Variants in HNF4A observed in about 807,000 individuals in gnomAD.
HNF4A encodes hepatocyte nuclear factor 4 alpha.
Under a neutral mutation model 52.4 loss-of-function variants are expected in HNF4A, and 15 were observed. The ratio of observed to expected loss-of-function variants is 0.29; its 90% CI spans 0.19 to 0.44. The LOEUF (loss-of-function observed/expected upper bound fraction) is 0.44, where lower values mean the gene tolerates loss of function less well. Ranked by LOEUF, HNF4A falls within the 20% of genes least tolerant of loss-of-function variation. The pLI is 1.00. For missense variants in HNF4A, 479 were observed against 647.2 expected (o/e 0.74, Z 2.82); for synonymous variants, 280 against 264.4 (o/e 1.06, Z -0.57).
intron 1 of HNF4A, among the ~76,000 whole-genome samples, chr20:44,357,841 TA>T (rs911579388): frequency 1.2e-4 from 17 of 140,836 alleles, no homozygotes; most frequent in Middle Eastern, 3.6e-3. Context: ...GGTTCAAGAT[TA>T]AAAAAAAAAC....
chr20:44,355,771 A>G lies in HNF4A; in HGVS notation c.-34A>G, dbSNP rs1411432527. 6.2e-7 allele frequency: 1 copy of G among 1,610,748 alleles called. No individual in the cohort carries two copies. The highest frequency in any genetic ancestry group is 2.2e-5 in the East Asian group (1 of 44,856). ...GCTGTGAGCGGGCCCCTGCTCCTCC[A>G]TGCCCCCAGCTCTCCGGCTGGGTGG... On this transcript the variant is annotated 5_prime_UTR_variant, in exon 1 of 10. The change abolishes an upstream ATG in the 5' untranslated region. Transcript: ENST00000316673.
At chr20:44,419,455 G>A (rs1343567401) in intron 6 of HNF4A, among the ~76,000 whole-genome samples, 1 of 152,126 alleles carries the variant, frequency 6.6e-6, no homozygotes. Flanking sequence ...GAATGTCATC[G>A]ATCTTGTGAG....
intron 1 of HNF4A, among the ~76,000 whole-genome samples, chr20:44,377,326 A>G (rs555161717): frequency 8.5e-5 from 13 of 152,294 alleles, no homozygotes; most frequent in Non-Finnish European, 1.6e-4. Flanking sequence ...AAAACTACCT[A>G]TTGGGTACCA....
chr20:44,427,092 T>C (rs2063822915), intron 8 of HNF4A, among the ~76,000 whole-genome samples: 1 of 152,222 alleles, frequency 6.6e-6, no homozygotes, highest in South Asian at 2.1e-4. Flanking sequence ...CAGCTGCATC[T>C]CTGTCCTGTA....
intron 7 of HNF4A, among the ~76,000 whole-genome samples, chr20:44,423,307 C>G (rs1433152631): frequency 6.6e-6 from 1 of 152,004 alleles, no homozygotes; most frequent in Non-Finnish European, 1.5e-5. Context: ...CAGAGGGAGA[C>G]TCAGTCTCAA....
intron 1 of HNF4A, among the ~76,000 whole-genome samples, chr20:44,377,508 A>G (rs1314288499): frequency 6.6e-6 from 1 of 152,106 alleles, no homozygotes; most frequent in Non-Finnish European, 1.5e-5. Flanking sequence ...CATGCCTGTA[A>G]TCCAAGCACT....
rs1172141895 is a variant in HNF4A, at chr20:44,432,346, T to TTA, written c.*2682_*2683insAT. ...GATATTAGAAAATCTCTCGCTCTCTTTTTTTTTTTTTTTTTTTTTTTTGGC... is the reference window on the plus strand; with the variant it reads ...GATATTAGAAAATCTCTCGCTCTCTTTATTTTTTTTTTTTTTTTTTTTTTGGC... On this transcript the variant is annotated 3_prime_UTR_variant, in exon 10 of 10. Coordinates refer to ENST00000316099, the MANE Select transcript of HNF4A (RefSeq NM_000457.6). 9.3e-6 allele frequency: 1 copy of TTA among 107,190 alleles called. No individual in the cohort carries two copies. Among genetic ancestry groups the TTA allele is most frequent in the Non-Finnish European group, 2.0e-5 (1 of 51,194 alleles). 6.6% of individuals were successfully genotyped at this position (107,190 alleles called of 1,614,324 possible). A position where few individuals can be genotyped will look rare whatever the true frequency, so the allele number is the denominator to read the frequency against.
chr20:44,368,041 A>G (rs1392531180), intron 1 of HNF4A, among the ~76,000 whole-genome samples: 2 of 144,474 alleles, frequency 1.4e-5, no homozygotes, highest in South Asian at 2.2e-4. Context: ...TCCTCCCTAG[A>G]TGGAAGATGG....
chr20:44,421,540 C>T (rs530369828), intron 7 of HNF4A, among the ~76,000 whole-genome samples: 11 of 151,748 alleles, frequency 7.2e-5, no homozygotes, highest in Non-Finnish European at 1.3e-4. Context: ...GATTACTTGA[C>T]GTCAGGAGTT....
At chr20:44,379,427 C>T (rs1193874565) in intron 1 of HNF4A, among the ~76,000 whole-genome samples, 2 of 152,104 alleles carry the variant, frequency 1.3e-5, no homozygotes, top group East Asian at 1.9e-4. Context: ...GTGATAGGAA[C>T]GTAAAAGGGT....
chr20:44,360,260 A>G (rs191658639), intron 1 of HNF4A, among the ~76,000 whole-genome samples: 3 of 152,242 alleles, frequency 2.0e-5, no homozygotes, highest in Admixed American at 6.5e-5. Context: ...TGATGTGATG[A>G]ATGGATGTGA....
intron 7 of HNF4A, 148 bp downstream of exon 7, chr20:44,420,024 C>G: frequency 1.2e-6 from 1 of 851,232 alleles, no homozygotes; most frequent in Non-Finnish European, 2.0e-6. Flanking sequence ...ACAGATGAGG[C>G]AAGTCAAGAT....
intron 5 of HNF4A, among the ~76,000 whole-genome samples, chr20:44,417,906 C>G (rs1254446659): frequency 6.6e-6 from 1 of 150,566 alleles, no homozygotes; most frequent in Non-Finnish European, 1.5e-5. Context: ...GAGGCGGAAG[C>G]TGCAGTGAGC....
upstream of HNF4A, among the ~76,000 whole-genome samples, chr20:44,398,521 G>T (rs895008949): frequency 3.9e-5 from 6 of 152,326 alleles, no homozygotes; most frequent in African/African-American, 1.4e-4. Context: ...GTGTATCTAG[G>T]AGATACTGTT....
chr20:44,407,400 G>A lies in HNF4A; in HGVS notation c.310G>A (p.Val104Met). 2 of 1,611,130 alleles carry A rather than the reference G, an allele frequency of 1.2e-6. No homozygotes were observed. Among genetic ancestry groups the A allele is most frequent in the Non-Finnish European group, 1.7e-6 (2 of 1,178,622 alleles). Residue 104 changes from valine (V) to methionine (M), a missense_variant, in exon 3 of 10, where the codon GTG becomes ATG. By Grantham distance (21) the Val-to-Met change is conservative. Coordinates refer to ENST00000316099, the MANE Select transcript of HNF4A (RefSeq NM_000457.6). ...CCCCAGATTTAGCCGGCAGTGCGTG[G>A]TGGACAAAGACAAGAGGAACCAGTG...
At chr20:44,419,540 T>C (rs1471319667) in intron 6 of HNF4A, among the ~76,000 whole-genome samples, 181 bp from the exon 7 acceptor site, 1 of 152,196 alleles carries the variant, frequency 6.6e-6, no homozygotes, top group Non-Finnish European at 1.5e-5. Flanking sequence ...GCCGGATGAC[T>C]CAAGGCAGCT....
At chr20:44,412,202 T>G (rs1326578683) in intron 3 of HNF4A, among the ~76,000 whole-genome samples, 1 of 152,238 alleles carries the variant, frequency 6.6e-6, no homozygotes, top group Non-Finnish European at 1.5e-5. Context: ...GATGGAGTTT[T>G]GGCCTTCTGA....
rs1451758887 is a variant in HNF4A, at chr20:44,406,219, A to G, written c.277A>G (p.Met93Val). Residue 93 changes from methionine (M) to valine (V), a missense_variant, in exon 2 of 10, where the codon ATG becomes GTG. Met to Val is a conservative substitution (Grantham distance 21). Around this residue, in one of 3 missense-constraint regions of HNF4A, gnomAD observed 389 missense variants for 525.1 expected, o/e 0.74. Transcript: ENST00000316099. ...CCGGAGGAGCGTGCGGAAGAACCAC[A>G]TGTACTCCTGCAGGTGAGGAGCCTC... 1 of 1,613,556 alleles carries G rather than the reference A, an allele frequency of 6.2e-7. No individual in the cohort carries two copies. The highest frequency in any genetic ancestry group is 8.5e-7 in the Non-Finnish European group (1 of 1,179,990).
chr20:44,405,958 C>A, intron 1 of HNF4A, 100 bp from the exon 2 acceptor site: 2 of 1,168,384 alleles, frequency 1.7e-6, no homozygotes, highest in Non-Finnish European at 2.5e-6. Context: ...GCCCCCAGAT[C>A]TGGCTGAGGC....
Sources: allele counts gnomAD v4.1 joint callset (sites outside exome capture counted in the v4.1 genomes callset), GRCh38; gene constraint gnomAD v4.1.1; regional missense constraint gnomAD v4.1.1; transcripts MANE v1.5; gene names NCBI Gene and HGNC (gene_info 2026-07-23, HGNC 2026-07-21).